The following ITPR1 variants were observed in gnomAD, a reference collection of about 807,000 sequenced individuals.
The protein encoded by ITPR1 is inositol 1,4,5-trisphosphate-gated calcium channel ITPR1.
ITPR1 carries 96 observed loss-of-function variants against 318.4 expected under a neutral mutation model. That is an observed-to-expected ratio of 0.30 (90% CI 0.26 to 0.36). The LOEUF (loss-of-function observed/expected upper bound fraction) is 0.36, where lower values mean the gene tolerates loss of function less well. Among genes scored for constraint, ITPR1 ranks in the 10% least tolerant of loss-of-function variants. The pLI, the probability that ITPR1 is intolerant of heterozygous loss-of-function variation, is 1.00. For synonymous variants in ITPR1, 1,312 were observed against 1,289.9 expected (o/e 1.02, Z -0.37); for missense variants, 2,440 against 3,460.2 (o/e 0.71, Z 7.40).
chr3:4,800,166 G>T (rs1016604746), intron 53 of ITPR1: 10 of 480,002 alleles, frequency 2.1e-5, no homozygotes, highest in Non-Finnish European at 3.6e-5. Context: ...AGGCTTCCTG[G>T]AAGAAGTAAT....
At chr3:4,561,117 G>T (rs2086630194) in intron 4 of ITPR1, among the ~76,000 whole-genome samples, 1 of 152,132 alleles carries the variant, frequency 6.6e-6, no homozygotes, top group South Asian at 2.1e-4. Context: ...GCTGTGATTT[G>T]CTAATTGTCT....
intron 22 of ITPR1, 77 bp from the exon 23 acceptor site, chr3:4,674,991 A>G: frequency 2.6e-6 from 2 of 764,738 alleles, no homozygotes; most frequent in Non-Finnish European, 4.3e-6. Context: ...TCATTTCTAA[A>G]CTGGTCAACA....
chr3:4,503,153 C>T (rs1218999513), intron 2 of ITPR1, among the ~76,000 whole-genome samples: 1 of 136,252 alleles, frequency 7.3e-6, no homozygotes, highest in Non-Finnish European at 1.7e-5. Flanking sequence ...AGATATTAAG[C>T]ATTTCCTTTT....
intron 44 of ITPR1, among the ~76,000 whole-genome samples, chr3:4,763,960 C>T (rs974589455): frequency 5.3e-5 from 8 of 152,236 alleles, no homozygotes; most frequent in Non-Finnish European, 1.2e-4. Context: ...ACCAGATTGT[C>T]CCAAAATGCT....
At chr3:4,699,752 G>C in intron 34 of ITPR1, 61 bp from the exon 35 acceptor site, 2 of 1,570,202 alleles carry the variant, frequency 1.3e-6, no homozygotes, top group Non-Finnish European at 1.7e-6. Context: ...GGGAGTCGCA[G>C]ATTTCTTAAT....
intron 60 of ITPR1, among the ~76,000 whole-genome samples, chr3:4,827,979 C>T (rs1026290819): frequency 6.6e-6 from 1 of 152,112 alleles, no homozygotes; most frequent in South Asian, 2.1e-4. Flanking sequence ...TCTTCCATCA[C>T]TTCTTTCTCG....
chr3:4,654,098 G>C (rs1022415980), intron 12 of ITPR1, among the ~76,000 whole-genome samples: 3 of 152,146 alleles, frequency 2.0e-5, no homozygotes, highest in Non-Finnish European at 4.4e-5. Flanking sequence ...GTTGATGATG[G>C]TATTTCCATG....
intron 10 of ITPR1, among the ~76,000 whole-genome samples, chr3:4,648,130 C>T (rs1052583049): frequency 3.3e-5 from 5 of 151,232 alleles, no homozygotes; most frequent in African/African-American, 1.2e-4. Context: ...CCAGCCTGGG[C>T]AACAAGAGTG....
rs555656182 is a variant in ITPR1 at position 4,730,313 on chromosome 3, A to G, written c.5221-2775A>G. On this transcript the variant is annotated intron_variant, in intron 42 of 61. Transcript: ENST00000649015. ...TGTATGTGTGTATAGAGAAGGTGAG[A>G]TGAATATGTGCCAAAAACCTTATAA... 4.1e-5 allele frequency among the ~76,000 whole-genome samples: 6 copies of G among 147,876 alleles called. No individual in the cohort carries two copies. The East Asian group carries it at 5.9e-4, about 14-fold the overall frequency.
intron 4 of ITPR1, among the ~76,000 whole-genome samples, chr3:4,529,534 T>C (rs1400612049): frequency 6.6e-6 from 1 of 152,244 alleles, no homozygotes; most frequent in African/African-American, 2.4e-5. Context: ...CTTGAGCTTA[T>C]GATAACTCTT....
intron 33 of ITPR1, among the ~76,000 whole-genome samples, chr3:4,696,887 G>A (rs1013115439): frequency 2.0e-5 from 3 of 152,016 alleles, no homozygotes; most frequent in Admixed American, 1.3e-4. Context: ...ATTTCAAATA[G>A]TCAAACTTGT....
intron 52 of ITPR1, 107 bp from the exon 53 acceptor site, chr3:4,794,958 A>G: frequency 7.9e-7 from 1 of 1,269,080 alleles, no homozygotes; most frequent in Non-Finnish European, 1.1e-6. Flanking sequence ...AAAAACCGGG[A>G]ACAAAAGTGG....
chr3:4,683,750 T>C lies in ITPR1; in HGVS notation c.3450T>C (p.Asp1150=). ...ELWVYKGQGP[D]ETMDGASGEN... ...GGGTGTACAAAGGGCAGGGCCCCGA[T>C]GAGACTATGGATGGTGCATCTGGAG... Residue 1150 remains aspartate (D), a synonymous_variant, in exon 28 of 62, where the codon GAT becomes GAC. Transcript: ENST00000649015. 1 of 1,613,016 alleles carries C rather than the reference T, an allele frequency of 6.2e-7. No individual in the cohort carries two copies. The highest frequency in any genetic ancestry group is 8.5e-7 in the Non-Finnish European group (1 of 1,178,942).
rs148323130 is a variant in ITPR1 at position 4,604,636 on chromosome 3, G to A, written c.164-23127G>A. Among the ~76,000 whole-genome samples the A allele has an allele frequency of 2.9e-3, 442 of 152,218 alleles. 4 individuals are homozygous for A. The highest frequency in any genetic ancestry group is 0.01 in the African/African-American group (427 of 41,546). On this transcript the variant is annotated intron_variant, in intron 4 of 61. Coordinates refer to ENST00000649015, the MANE Select transcript of ITPR1 (RefSeq NM_001378452.1). ...ACTCTTTCATGGACACGCATGGGCC[G>A]TGTGTGAATGAACTGGTGTGGGGTC...
chr3:4,537,144 C>T (rs2083951899), intron 4 of ITPR1, among the ~76,000 whole-genome samples: 1 of 152,164 alleles, frequency 6.6e-6, no homozygotes, highest in African/African-American at 2.4e-5. Flanking sequence ...AAGGTTATAC[C>T]ACACTGAAAA....
chr3:4,834,563 C>G (rs990238377), intron 60 of ITPR1, among the ~76,000 whole-genome samples: 3 of 152,144 alleles, frequency 2.0e-5, no homozygotes, highest in African/African-American at 7.2e-5. Flanking sequence ...GAGTGATCAC[C>G]AGTGACCTGT....
At chr3:4,764,467 G>A (rs907727175) in intron 44 of ITPR1, among the ~76,000 whole-genome samples, 3 of 152,228 alleles carry the variant, frequency 2.0e-5, no homozygotes, top group Non-Finnish European at 4.4e-5. Flanking sequence ...CCACTCAGGC[G>A]AGGCATCTGC....
At chr3:4,799,038 A>G (rs1273112670) in intron 53 of ITPR1, among the ~76,000 whole-genome samples, 3 of 152,218 alleles carry the variant, frequency 2.0e-5, no homozygotes, top group South Asian at 4.1e-4. Flanking sequence ...TCACATGACT[A>G]TATAAACTGC....
chr3:4,753,628 G>A (rs527329810), intron 44 of ITPR1, among the ~76,000 whole-genome samples: 1 of 152,262 alleles, frequency 6.6e-6, no homozygotes, highest in East Asian at 1.9e-4. Flanking sequence ...AGGGTTGACT[G>A]GGGGTGACTG....
Sources: gnomAD v4.1 joint callset for allele counts (sites outside exome capture counted in the v4.1 genomes callset) on GRCh38, gnomAD v4.1.1 for gene constraint, MANE v1.5 for transcripts, NCBI Gene and HGNC (gene_info 2026-07-23, HGNC 2026-07-21) for gene names.